Variants in TAOK1 observed in about 807,000 individuals in gnomAD.
TAOK1 encodes serine/threonine-protein kinase TAO1.
TAOK1 carries 21 observed loss-of-function variants against 138.3 expected under a neutral mutation model. That is an observed-to-expected ratio of 0.15 (90% CI 0.11 to 0.22). TAOK1 has a LOEUF of 0.22. Among genes scored for constraint, TAOK1 ranks in the 10% least tolerant of loss-of-function variants. The pLI is 1.00. For missense variants in TAOK1, 651 were observed against 1,227.7 expected, an observed-to-expected ratio of 0.53 and a Z score of 7.02; for synonymous variants, 361 against 398.4, an observed-to-expected ratio of 0.91 and a Z score of 1.12.
chr17:29,480,945 G>A (rs1009457014), intron 7 of TAOK1, among the ~76,000 whole-genome samples: 2 of 151,114 alleles, frequency 1.3e-5, no homozygotes, highest in South Asian at 4.2e-4. Flanking sequence ...AGTGATTAGT[G>A]CTTCATTTAC....
At chr17:29,478,709 A>G (rs1394432473) in intron 6 of TAOK1, among the ~76,000 whole-genome samples, 13 of 152,204 alleles carry the variant, frequency 8.5e-5, no homozygotes, top group Non-Finnish European at 1.5e-5. Flanking sequence ...ATTTGTGACT[A>G]ATTTCCTAAA....
chr17:29,487,738 TA>T (rs756041510), intron 8 of TAOK1, among the ~76,000 whole-genome samples: 26 of 152,114 alleles, frequency 1.7e-4, no homozygotes, highest in Non-Finnish European at 3.1e-4. Flanking sequence ...TTAAATAAAA[TA>T]AAAATCTGTG....
At position 29,515,211 on chromosome 17, in the gene TAOK1, TTTTG is replaced by T. The variant is rs572871610; in HGVS notation, c.1705-2238_1705-2235del. On this transcript the variant is annotated intron_variant, in intron 15 of 19. Transcript: ENST00000261716. ...AAAGTATGTCTCTATTCTCCCATGG[TTTTG>T]TTTATTTTCCATTTAATTTCCAGTT... Among the ~76,000 whole-genome samples the T allele has an allele frequency of 2.8e-4, 43 of 152,238 alleles. No individual in the cohort carries two copies. In the South Asian group the frequency reaches 6.4e-3, roughly 23 times the overall value.
intron 17 of TAOK1, among the ~76,000 whole-genome samples, chr17:29,528,030 ATTTT>A (rs1203877688): frequency 6.6e-6 from 1 of 151,940 alleles, no homozygotes; most frequent in Non-Finnish European, 1.5e-5. Context: ...TAGTTTTGTT[ATTTT>A]GTTTGTTTGT....
At chr17:29,418,915 A>G (rs1404863154) in intron 1 of TAOK1, among the ~76,000 whole-genome samples, 1 of 135,990 alleles carries the variant, frequency 7.4e-6, no homozygotes, top group Non-Finnish European at 1.5e-5. Flanking sequence ...TGTTTTGGCT[A>G]TTCTGGGTGC....
At position 29,543,082 on chromosome 17, in the gene TAOK1, ACAT is replaced by A. The variant is rs1459198577; in HGVS notation, c.*66_*68del. The A allele has an allele frequency of 2.1e-6, 3 of 1,408,014 alleles. No individual in the cohort carries two copies. Among genetic ancestry groups the A allele is most frequent in the Non-Finnish European group, 2.9e-6 (3 of 1,044,540 alleles). The allele number at this position is 1,408,014 out of a possible 1,614,324, so 87.2% of individuals were successfully genotyped here. ...GTCTGCCAAAAGAAACTGCCTACAG[ACAT>A]CATCACAGCAGCCTCCTCACTTGGG... On this transcript the variant is annotated 3_prime_UTR_variant, in exon 20 of 20. Coordinates refer to ENST00000261716, the MANE Select transcript of TAOK1 (RefSeq NM_020791.4).
rs192690583 is a variant in TAOK1, at chr17:29,412,067, G to C, written c.-95+21043G>C. On this transcript the variant is annotated intron_variant, in intron 1 of 19. Transcript: ENST00000261716. Reference sequence around the variant, plus strand: ...TCTCTCTCTTTCTTTTTTTGAAACAGGATCTCACTCTGTCACCCAGGCTGG... The same window carrying C: ...TCTCTCTCTTTCTTTTTTTGAAACACGATCTCACTCTGTCACCCAGGCTGG... 2.4e-3 allele frequency among the ~76,000 whole-genome samples: 366 copies of C among 150,134 alleles called. 3 individuals carry two copies. Among genetic ancestry groups the C allele is most frequent in the African/African-American group, 8.1e-3 (328 of 40,582 alleles).
intron 8 of TAOK1, among the ~76,000 whole-genome samples, chr17:29,489,114 GTTC>G (rs758817114): frequency 6.6e-6 from 1 of 152,138 alleles, no homozygotes; most frequent in Non-Finnish European, 1.5e-5. Flanking sequence ...TTAGGAAAAT[GTTC>G]TTCTTTACAG....
At chr17:29,416,780 T>C (rs960103762) in intron 1 of TAOK1, among the ~76,000 whole-genome samples, 1 of 152,170 alleles carries the variant, frequency 6.6e-6, no homozygotes, top group African/African-American at 2.4e-5. Flanking sequence ...TTTGAACTCA[T>C]TAATTTTCTA....
chr17:29,399,127 C>T (rs1904758180), intron 1 of TAOK1, among the ~76,000 whole-genome samples: 1 of 151,818 alleles, frequency 6.6e-6, no homozygotes, highest in Non-Finnish European at 1.5e-5. Flanking sequence ...GCTAGGACTA[C>T]AGGCAAATGC....
chr17:29,477,516 T>C, intron 4 of TAOK1, 145 bp from the exon 5 acceptor site: 1 of 277,576 alleles, frequency 3.6e-6, no homozygotes, highest in Non-Finnish European at 6.6e-6. Context: ...GTAATATCTA[T>C]ATAACTATTT....
rs1039274736 is a variant in TAOK1, at chr17:29,510,996, C to T, written c.1704+4C>T. 6.3e-7 allele frequency: 1 copy of T among 1,583,658 alleles called. No homozygotes were observed. Among genetic ancestry groups the T allele is most frequent in the African/African-American group, 1.4e-5 (1 of 73,102 alleles). Reference sequence around the variant, plus strand: ...TCGAAAAGAGCAGCTTAAAGAGGTACTTATGTCATAAAACTTTCCAAGCAA... The same window carrying T: ...TCGAAAAGAGCAGCTTAAAGAGGTATTTATGTCATAAAACTTTCCAAGCAA... On this transcript the variant is annotated splice_donor_region_variant and intron_variant, in intron 15 of 19. Coordinates refer to ENST00000261716, the MANE Select transcript of TAOK1 (RefSeq NM_020791.4).
chr17:29,463,539 C>G (rs997122571), intron 2 of TAOK1, among the ~76,000 whole-genome samples: 1 of 151,188 alleles, frequency 6.6e-6, no homozygotes, highest in Admixed American at 6.6e-5. Context: ...CCACCGCACT[C>G]CAGCCTGGGT....
intron 1 of TAOK1, among the ~76,000 whole-genome samples, chr17:29,411,939 GT>G (rs1000125218): frequency 6.6e-6 from 1 of 151,928 alleles, no homozygotes; most frequent in African/African-American, 2.4e-5. Context: ...TGTTTTTATT[GT>G]TTTTTAAGAT....
intron 8 of TAOK1, 105 bp from the exon 9 acceptor site, chr17:29,489,553 TTTAAGA>T (rs1225268794): frequency 2.6e-5 from 18 of 705,662 alleles, no homozygotes; most frequent in Middle Eastern, 4.0e-4. Context: ...TTTGTGTAAG[TTTAAGA>T]TTGTTTCAAA....
intron 1 of TAOK1, among the ~76,000 whole-genome samples, chr17:29,406,308 A>G (rs2153020525): frequency 6.6e-6 from 1 of 152,146 alleles, no homozygotes; most frequent in African/African-American, 2.4e-5. Context: ...GGTAGAGTTA[A>G]GGGGTGTTTA....
rs759761132 is a variant in TAOK1, at chr17:29,495,686, G to A, written c.958G>A (p.Ala320Thr). ...RKMKKLLFQE[A>T]HNGPAVEAQE... ...GATGAAGAAACTCCTTTTCCAGGAG[G>A]CACATAATGGACCAGCAGTAGAAGC... is the stretch of plus-strand genomic sequence containing the variant. The change falls in exon 11 of 20, where the codon GCA (alanine) becomes ACA (threonine). Residue 320 changes from alanine (A) to threonine (T), a missense_variant. Around this residue, in one of 8 missense-constraint regions of TAOK1, gnomAD observed 104 missense variants for 151.7 expected, o/e 0.69. Transcript: ENST00000261716. 21 of 1,610,684 alleles carry A rather than the reference G, an allele frequency of 1.3e-5. No homozygotes were observed. In the East Asian group the frequency reaches 4.0e-4, roughly 31 times the overall value.
Position 29,541,431 on chromosome 17 carries a change from A to C in TAOK1, c.2545-1130A>C, listed in dbSNP as rs114987073. 2.8e-3 allele frequency among the ~76,000 whole-genome samples: 430 copies of C among 152,142 alleles called. 4 individuals carry two copies. Among genetic ancestry groups the C allele is most frequent in the African/African-American group, 9.4e-3 (389 of 41,502 alleles). On this transcript the variant is annotated intron_variant, in intron 19 of 19. Coordinates refer to ENST00000261716, the MANE Select transcript of TAOK1 (RefSeq NM_020791.4). ...GGCCTAGATAGGACTTTTGACTTTAATGTAATCATAATTCCACTGTGATAT... is the reference window on the plus strand; with the variant it reads ...GGCCTAGATAGGACTTTTGACTTTACTGTAATCATAATTCCACTGTGATAT...
intron 13 of TAOK1, among the ~76,000 whole-genome samples, chr17:29,504,661 CTCTGTCTCA>C (rs2031599678): frequency 6.6e-6 from 1 of 151,934 alleles, no homozygotes; most frequent in Admixed American, 6.6e-5. Context: ...CAGAGCGAGA[CTCTGTCTCA>C]AAAACTAAAA....
Sources: allele counts gnomAD v4.1 joint callset (sites outside exome capture counted in the v4.1 genomes callset), GRCh38; gene constraint gnomAD v4.1.1; regional missense constraint gnomAD v4.1.1; transcripts MANE v1.5; gene names NCBI Gene and HGNC (gene_info 2026-07-23, HGNC 2026-07-21).